Variants in GRXCR2 observed in about 807,000 individuals in gnomAD.
GRXCR2 encodes the protein glutaredoxin domain-containing cysteine-rich protein 2.
In GRXCR2, 23 loss-of-function variants were observed where a neutral mutation model predicts 24.8. The observed-to-expected ratio is 0.93, with a 90% CI of 0.67 to 1.32. GRXCR2 has a LOEUF of 1.32. Among genes scored for constraint, GRXCR2 ranks in the 40% most tolerant of loss-of-function variants. The pLI is 0.00. For synonymous variants in GRXCR2, 130 were observed against 116.1 expected (o/e 1.12, Z -0.77); for missense variants, 315 against 303.4 (o/e 1.04, Z -0.28).
At chr5:145,924,147 A>C (rs1757361032) in intron 2 of GRXCR2, among the ~76,000 whole-genome samples, 1 of 151,752 alleles carries the variant, frequency 6.6e-6, no homozygotes. Flanking sequence ...CAGCAACCAC[A>C]CTCCTGTACT....
At chr5:145,888,310 T>A (rs552776989) in intron 2 of GRXCR2, among the ~76,000 whole-genome samples, 120 of 152,208 alleles carry the variant, frequency 7.9e-4, no homozygotes, top group African/African-American at 2.9e-3. Context: ...AAGCATGGGG[T>A]CCTGGAAGAC....
At chr5:145,905,189 G>C (rs1040334199) in intron 2 of GRXCR2, among the ~76,000 whole-genome samples, 4 of 152,148 alleles carry the variant, frequency 2.6e-5, no homozygotes, top group Non-Finnish European at 5.9e-5. Flanking sequence ...CTGATATAGA[G>C]TCAATATTGG....
At chr5:145,919,003 G>A (rs1581355446) in intron 2 of GRXCR2, among the ~76,000 whole-genome samples, 2 of 152,124 alleles carry the variant, frequency 1.3e-5, no homozygotes, top group Admixed American at 6.5e-5. Flanking sequence ...TAAGTTTCCC[G>A]CATCACCTGG....
chr5:145,923,058 C>T (rs1757347701), intron 2 of GRXCR2, among the ~76,000 whole-genome samples: 1 of 152,224 alleles, frequency 6.6e-6, no homozygotes, highest in African/African-American at 2.4e-5. Context: ...AATGCATAAG[C>T]CCCACTCAAT....
chr5:145,878,993 T>C (rs187615372), intron 2 of GRXCR2, among the ~76,000 whole-genome samples: 10 of 152,258 alleles, frequency 6.6e-5, no homozygotes, highest in Admixed American at 6.5e-4. Flanking sequence ...AAGCAAATGC[T>C]GAGAGATTTT....
At chr5:145,882,470 G>C (rs1223583322) in intron 2 of GRXCR2, among the ~76,000 whole-genome samples, 1 of 152,186 alleles carries the variant, frequency 6.6e-6, no homozygotes, top group Non-Finnish European at 1.5e-5. Flanking sequence ...ACCACAATGA[G>C]ATACCATCTC....
chr5:145,903,072 T>A (rs1041628761), intron 2 of GRXCR2, among the ~76,000 whole-genome samples: 1 of 152,158 alleles, frequency 6.6e-6, no homozygotes, highest in Admixed American at 6.5e-5. Context: ...ACTAAATACT[T>A]TCAGTTGCAT....
chr5:145,905,855 A>C (rs1246310962), intron 2 of GRXCR2, among the ~76,000 whole-genome samples: 4 of 152,202 alleles, frequency 2.6e-5, no homozygotes, highest in African/African-American at 9.7e-5. Flanking sequence ...AAATAAATAA[A>C]TGAATGAACA....
intron 2 of GRXCR2, among the ~76,000 whole-genome samples, chr5:145,891,288 A>C (rs1561683724): frequency 6.6e-6 from 1 of 152,140 alleles, no homozygotes; most frequent in African/African-American, 2.4e-5. Context: ...CAGTGGGTGC[A>C]GGACAGTGGG....
chr5:145,880,077 C>T (rs896839117), intron 2 of GRXCR2, among the ~76,000 whole-genome samples: 2 of 152,042 alleles, frequency 1.3e-5, no homozygotes, highest in Admixed American at 6.6e-5. Flanking sequence ...ACTAAATGCC[C>T]ACAAGAGAAA....
intron 2 of GRXCR2, among the ~76,000 whole-genome samples, chr5:145,913,522 CA>C (rs1040285545): frequency 6.6e-6 from 1 of 152,020 alleles, no homozygotes; most frequent in Non-Finnish European, 1.5e-5. Context: ...AGAACAGCCC[CA>C]AAATAGAAGT....
intron 2 of GRXCR2, among the ~76,000 whole-genome samples, chr5:145,916,319 T>C (rs934499494): frequency 2.0e-5 from 3 of 152,236 alleles, no homozygotes; most frequent in East Asian, 1.9e-4. Context: ...GGGAAATTGA[T>C]GCTCTGTGGA....
At chr5:145,875,783 G>A (rs1183333520), upstream of GRXCR2, among the ~76,000 whole-genome samples, 2 of 152,138 alleles carry the variant, frequency 1.3e-5, no homozygotes, top group African/African-American at 4.8e-5. Context: ...ATGAATCACA[G>A]GAGACTGAGA....
At chr5:145,889,047 G>A (rs975862326) in intron 2 of GRXCR2, among the ~76,000 whole-genome samples, 6 of 151,740 alleles carry the variant, frequency 4.0e-5, no homozygotes, top group African/African-American at 1.2e-4. Context: ...GGTGGCAGGC[G>A]CCTGTAATCC....
intron 2 of GRXCR2, among the ~76,000 whole-genome samples, chr5:145,896,262 A>G (rs1756947593): frequency 6.6e-6 from 1 of 152,258 alleles, no homozygotes; most frequent in Non-Finnish European, 1.5e-5. Context: ...CAATGGCAAC[A>G]AAAGCCAAAA....
chr5:145,905,098 C>A (rs17489741), intron 2 of GRXCR2, among the ~76,000 whole-genome samples: 23,540 of 152,102 alleles, frequency 0.15, 2,187 homozygotes, highest in Middle Eastern at 0.29. Flanking sequence ...GAGTGATTAC[C>A]AAAAAGCATG....
chr5:145,885,952 T>C (rs563195890), intron 2 of GRXCR2, among the ~76,000 whole-genome samples: 6 of 152,348 alleles, frequency 3.9e-5, no homozygotes, highest in African/African-American at 1.4e-4. Context: ...GGTTAAGTTA[T>C]CTGCCAGGCA....
chr5:145,898,761 G>A (rs1489221655), intron 2 of GRXCR2, among the ~76,000 whole-genome samples: 1 of 151,976 alleles, frequency 6.6e-6, no homozygotes, highest in Admixed American at 6.6e-5. Flanking sequence ...AGGCATCATA[G>A]GAACATACCT....
chr5:145,902,824 T>C (rs1003555843), intron 2 of GRXCR2, among the ~76,000 whole-genome samples: 2 of 152,212 alleles, frequency 1.3e-5, no homozygotes, highest in Non-Finnish European at 2.9e-5. Flanking sequence ...ATGACCACAC[T>C]ATAAGGCATA....
Sources: allele counts gnomAD v4.1 joint callset (sites outside exome capture counted in the v4.1 genomes callset), GRCh38; gene constraint gnomAD v4.1.1; transcripts MANE v1.5; gene names NCBI Gene and HGNC (gene_info 2026-07-23, HGNC 2026-07-21).